The following TPST1 variants were observed in gnomAD, a reference collection of about 807,000 sequenced individuals.
The protein encoded by TPST1 is tyrosylprotein sulfotransferase 1.
In TPST1, 20 loss-of-function variants were observed where a neutral mutation model predicts 34.8. The ratio of observed to expected loss-of-function variants is 0.57; its 90% CI spans 0.40 to 0.84. The LOEUF (loss-of-function observed/expected upper bound fraction) is 0.84, where lower values mean the gene tolerates loss of function less well. Among genes scored for constraint, TPST1 ranks in the 40% least tolerant of loss-of-function variants. The probability of loss-of-function intolerance (pLI) is 0.00; values close to 1 mark genes in which losing one functional copy is unlikely to be tolerated. For missense variants in TPST1, 353 were observed against 455.5 expected (o/e 0.78, Z 2.05); for synonymous variants, 152 against 159.4 (o/e 0.95, Z 0.35).
At chr7:66,272,785 C>G (rs550907598) in intron 2 of TPST1, among the ~76,000 whole-genome samples, 1 of 152,012 alleles carries the variant, frequency 6.6e-6, no homozygotes, top group East Asian at 1.9e-4. Context: ...TGGGGTTTTG[C>G]CATGTTGCCC....
At chr7:66,279,365 A>G (rs770066086) in intron 2 of TPST1, among the ~76,000 whole-genome samples, 1 of 152,148 alleles carries the variant, frequency 6.6e-6, no homozygotes, top group African/African-American at 2.4e-5. Context: ...TGTCTTAGCT[A>G]TTGTGAACAG....
intron 1 of TPST1, among the ~76,000 whole-genome samples, chr7:66,214,385 A>G (rs1391108502): frequency 6.6e-6 from 1 of 150,856 alleles, no homozygotes; most frequent in East Asian, 1.9e-4. Context: ...ATTTTTTTGT[A>G]ATTTTAAAGT....
chr7:66,323,350 T>G (rs1399980053), intron 3 of TPST1, among the ~76,000 whole-genome samples: 1 of 151,986 alleles, frequency 6.6e-6, no homozygotes, highest in African/African-American at 2.4e-5. Context: ...CCGCTGTGGA[T>G]TTTTAAATAA....
At chr7:66,209,806 A>G (rs1341220435) in intron 1 of TPST1, among the ~76,000 whole-genome samples, 1 of 152,138 alleles carries the variant, frequency 6.6e-6, no homozygotes, top group Non-Finnish European at 1.5e-5. Context: ...AACATGAATG[A>G]GTATTGTGAC....
At chr7:66,281,740 A>G (rs1790935746) in intron 2 of TPST1, among the ~76,000 whole-genome samples, 1 of 152,150 alleles carries the variant, frequency 6.6e-6, no homozygotes, top group Non-Finnish European at 1.5e-5. Flanking sequence ...CCTATGCTTT[A>G]ATATGGAGGA....
At chr7:66,281,538 A>G (rs528333302) in intron 2 of TPST1, among the ~76,000 whole-genome samples, 73 of 152,318 alleles carry the variant, frequency 4.8e-4, no homozygotes, top group African/African-American at 1.7e-3. Flanking sequence ...ACATTTTCAC[A>G]AAGTTGAATT....
chr7:66,335,789 T>C (rs74777072), intron 3 of TPST1, among the ~76,000 whole-genome samples: 4,281 of 152,208 alleles, frequency 0.028, 90 homozygotes, highest in Non-Finnish European at 0.045. Flanking sequence ...GTACTTAAGC[T>C]CTCATACTAA....
chr7:66,241,891 G>T lies in TPST1; in HGVS notation c.845+621G>T, dbSNP rs113968588. Among the ~76,000 whole-genome samples the T allele has an allele frequency of 3.9e-5, 6 of 152,300 alleles. 1 individual carries two copies. Among genetic ancestry groups the T allele is most frequent in the African/African-American group, 1.2e-4 (5 of 41,574 alleles). ...TCTGTGCCTTGGTCTCAATGAGGTC[G>T]TGCTTTTCTCCGTGGCATTTTACTA... On this transcript the variant is annotated intron_variant, in intron 2 of 5. Coordinates refer to ENST00000304842, the MANE Select transcript of TPST1 (RefSeq NM_003596.4).
chr7:66,227,742 T>C (rs1789693962), intron 1 of TPST1, among the ~76,000 whole-genome samples: 1 of 151,632 alleles, frequency 6.6e-6, no homozygotes, highest in Non-Finnish European at 1.5e-5. Context: ...TTTTTTTTTT[T>C]CTCAGATTTG....
chr7:66,284,078 C>T (rs1297868411), intron 2 of TPST1, among the ~76,000 whole-genome samples: 1 of 152,200 alleles, frequency 6.6e-6, no homozygotes, highest in Non-Finnish European at 1.5e-5. Flanking sequence ...TAGTTAACTG[C>T]ATTTGCTGCT....
At chr7:66,350,155 A>T (rs1257642425) in intron 3 of TPST1, among the ~76,000 whole-genome samples, 1 of 152,178 alleles carries the variant, frequency 6.6e-6, no homozygotes, top group African/African-American at 2.4e-5. Context: ...CTGGGATTAC[A>T]GGCGCCTGCC....
intron 3 of TPST1, among the ~76,000 whole-genome samples, chr7:66,326,674 T>C (rs1413987466): frequency 6.6e-6 from 1 of 152,198 alleles, no homozygotes; most frequent in Admixed American, 6.5e-5. Context: ...AGGTTCCTAT[T>C]TCACAGTCAC....
At chr7:66,335,986 A>G (rs1792111009) in intron 3 of TPST1, among the ~76,000 whole-genome samples, 1 of 152,234 alleles carries the variant, frequency 6.6e-6, no homozygotes. Flanking sequence ...GAAATGTCAG[A>G]CAGAGAATTC....
chr7:66,328,859 G>GCTCTCTCTCGCT (rs1791927034), intron 3 of TPST1, among the ~76,000 whole-genome samples: 3 of 18,416 alleles, frequency 1.6e-4, no homozygotes, highest in African/African-American at 4.9e-4. Flanking sequence ...TCTCTCTCCC[G>GCTCTCTCTCGCT]CTCTCTCTCT....
intron 2 of TPST1, among the ~76,000 whole-genome samples, chr7:66,272,516 C>T (rs534680974): frequency 1.1e-4 from 17 of 151,952 alleles, no homozygotes; most frequent in Non-Finnish European, 2.4e-4. Context: ...ACATCATCCT[C>T]AGTGGTGAAA....
chr7:66,238,917 C>T (rs377444882), intron 1 of TPST1, among the ~76,000 whole-genome samples: 1 of 152,208 alleles, frequency 6.6e-6, no homozygotes, highest in Non-Finnish European at 1.5e-5. Flanking sequence ...ATACATGCTT[C>T]TGCTTTTGCA....
chr7:66,278,960 G>A (rs1434770351), intron 2 of TPST1, among the ~76,000 whole-genome samples: 1 of 152,024 alleles, frequency 6.6e-6, no homozygotes, highest in Non-Finnish European at 1.5e-5. Context: ...TAGGTTCAGG[G>A]AGTACATGCA....
chr7:66,338,664 G>A (rs1165880835), intron 3 of TPST1, among the ~76,000 whole-genome samples: 1 of 151,688 alleles, frequency 6.6e-6, no homozygotes, highest in Non-Finnish European at 1.5e-5. Flanking sequence ...TATAATCAGA[G>A]GAACATTGGA....
chr7:66,269,073 G>T (rs1790647450), intron 2 of TPST1, among the ~76,000 whole-genome samples: 1 of 152,224 alleles, frequency 6.6e-6, no homozygotes, highest in South Asian at 2.1e-4. Flanking sequence ...GCTGATTTTT[G>T]AAGATAGATG....
Sources: gnomAD v4.1 joint callset for allele counts (sites outside exome capture counted in the v4.1 genomes callset) on GRCh38, gnomAD v4.1.1 for gene constraint, MANE v1.5 for transcripts, NCBI Gene and HGNC (gene_info 2026-07-23, HGNC 2026-07-21) for gene names.